The following AGBL1 variants were observed in gnomAD, a reference collection of about 807,000 sequenced individuals.
AGBL1 encodes the protein cytosolic carboxypeptidase 4.
A neutral mutation model predicts 118.9 loss-of-function variants in AGBL1; 130 were observed. The observed-to-expected ratio is 1.09, with a 90% CI of 0.95 to 1.26. The LOEUF (loss-of-function observed/expected upper bound fraction) is 1.26. Among genes scored for constraint, AGBL1 ranks in the 50% most tolerant of loss-of-function variants. The probability of loss-of-function intolerance (pLI) is 0.00; values close to 1 mark genes in which losing one functional copy is unlikely to be tolerated. For missense variants in AGBL1, 1,584 were observed against 1,298.1 expected (o/e 1.22, Z -3.38); for synonymous variants, 555 against 478.9 (o/e 1.16, Z -2.08).
intron 22 of AGBL1, among the ~76,000 whole-genome samples, chr15:86,737,378 T>C (rs770515669): frequency 1.8e-4 from 28 of 152,228 alleles, no homozygotes; most frequent in Non-Finnish European, 3.4e-4. Flanking sequence ...GGTGATTTAT[T>C]CCAGGTGTCT....
chr15:86,644,505 A>G (rs553442133), intron 21 of AGBL1, among the ~76,000 whole-genome samples: 183 of 152,318 alleles, frequency 1.2e-3, no homozygotes, highest in African/African-American at 4.3e-3. Flanking sequence ...GGTAATTGCT[A>G]TCCTTAATTC....
chr15:86,862,222 A>T (rs1176170828), intron 22 of AGBL1, among the ~76,000 whole-genome samples: 3 of 152,224 alleles, frequency 2.0e-5, no homozygotes, highest in African/African-American at 7.2e-5. Flanking sequence ...GGGAAAGTGT[A>T]TTGCACAGAG....
At chr15:86,980,885 C>CTTTTTTTTTTTTTTTTT (rs36077192) in intron 23 of AGBL1, among the ~76,000 whole-genome samples, 1 of 118,986 alleles carries the variant, frequency 8.4e-6, no homozygotes, top group African/African-American at 3.3e-5. Flanking sequence ...CAGAAACATC[C>CTTTTTTTTTTTTTTTTT]TTTTTTTTTT....
At chr15:86,250,580 C>G (rs2078798845) in intron 7 of AGBL1, among the ~76,000 whole-genome samples, 2 of 117,026 alleles carry the variant, frequency 1.7e-5, no homozygotes, top group African/African-American at 6.6e-5. Flanking sequence ...AAAAGGTGTG[C>G]TCTTCCAGAG....
intron 18 of AGBL1, among the ~76,000 whole-genome samples, chr15:86,399,559 C>T (rs1011912179): frequency 1.3e-5 from 2 of 152,162 alleles, no homozygotes; most frequent in African/African-American, 4.8e-5. Context: ...AGGAAGACAA[C>T]ATGCTCCCTG....
intron 1 of AGBL1, among the ~76,000 whole-genome samples, chr15:86,114,731 C>T (rs1323566595): frequency 6.6e-6 from 1 of 152,136 alleles, no homozygotes; most frequent in African/African-American, 2.4e-5. Flanking sequence ...CAACTGTATG[C>T]TAGCTGAGCT....
chr15:86,235,538 A>G (rs2078526367), intron 6 of AGBL1, among the ~76,000 whole-genome samples: 1 of 152,216 alleles, frequency 6.6e-6, no homozygotes, highest in South Asian at 2.1e-4. Context: ...AAAAATATAA[A>G]CATTTCATGA....
chr15:86,197,869 A>G (rs1484485068), intron 5 of AGBL1, among the ~76,000 whole-genome samples: 2 of 151,914 alleles, frequency 1.3e-5, no homozygotes, highest in Admixed American at 6.6e-5. Context: ...CAACAGAGCT[A>G]TTTCACTGAA....
chr15:87,009,761 GTCAAAGGAGATCA>G (rs1567285281), intron 24 of AGBL1, among the ~76,000 whole-genome samples: 1 of 152,184 alleles, frequency 6.6e-6, no homozygotes, highest in Non-Finnish European at 1.5e-5. Context: ...AAGACATGGC[GTCAAAGGAGATCA>G]TTTTGGAGCT....
At chr15:86,788,658 C>T (rs2078448891) in intron 22 of AGBL1, among the ~76,000 whole-genome samples, 1 of 152,110 alleles carries the variant, frequency 6.6e-6, no homozygotes, top group Admixed American at 6.6e-5. Flanking sequence ...AATTAGTGAT[C>T]ATTAAATATG....
chr15:86,259,882 G>C (rs978460877), intron 9 of AGBL1, among the ~76,000 whole-genome samples: 1 of 152,242 alleles, frequency 6.6e-6, no homozygotes, highest in African/African-American at 2.4e-5. Flanking sequence ...GTGCACGATA[G>C]TGCCTGACTT....
At chr15:86,556,142 T>A in intron 21 of AGBL1, 1 of 1,202,248 alleles carries the variant, frequency 8.3e-7, no homozygotes, top group Non-Finnish European at 1.2e-6. Context: ...ATAAATCAGC[T>A]GGAAACTCAA....
intron 17 of AGBL1, among the ~76,000 whole-genome samples, chr15:86,338,830 T>A (rs2080415714): frequency 6.6e-6 from 1 of 152,110 alleles, no homozygotes; most frequent in East Asian, 1.9e-4. Context: ...TGAGAGTGGA[T>A]CTCCTTGCTC....
At chr15:86,492,161 C>A (rs1057488715) in intron 18 of AGBL1, among the ~76,000 whole-genome samples, 1 of 152,032 alleles carries the variant, frequency 6.6e-6, no homozygotes, top group Admixed American at 6.6e-5. Flanking sequence ...TGGAGTGATG[C>A]AAGCATATAG....
intron 22 of AGBL1, among the ~76,000 whole-genome samples, chr15:86,879,752 CTTTA>C (rs1195787468): frequency 1.3e-5 from 2 of 152,288 alleles, no homozygotes; most frequent in East Asian, 1.9e-4. Flanking sequence ...CGAAACGGCT[CTTTA>C]TTTAGCTCCG....
rs370897334 is a variant in AGBL1, at chr15:86,250,963, G to C, written c.735+3084G>C. Among the ~76,000 whole-genome samples the C allele has an allele frequency of 7.9e-5, 12 of 152,340 alleles. No individual in the cohort carries two copies. The South Asian group carries it at 2.5e-3, about 32-fold the overall frequency. ...GCTGCTATTGCTACTGCCAGTGATA[G>C]TGATGACAATGTTAATGAAGCAGCA... is the stretch of plus-strand genomic sequence containing the variant. On this transcript the variant is annotated intron_variant, in intron 7 of 22. Transcript: ENST00000614907.
chr15:86,297,294 C>T (rs992099796), intron 17 of AGBL1, among the ~76,000 whole-genome samples: 6 of 152,080 alleles, frequency 3.9e-5, no homozygotes, highest in African/African-American at 1.4e-4. Context: ...TTGTCACTTG[C>T]AAATGACAAT....
chr15:86,740,765 G>A (rs1408500726), intron 22 of AGBL1, among the ~76,000 whole-genome samples: 1 of 152,114 alleles, frequency 6.6e-6, no homozygotes, highest in East Asian at 1.9e-4. Context: ...CAAAGATAAG[G>A]AAATGATGTA....
intron 17 of AGBL1, among the ~76,000 whole-genome samples, chr15:86,340,295 C>CTG (rs2080441901): frequency 3.1e-5 from 1 of 31,986 alleles, no homozygotes; most frequent in South Asian, 8.7e-4. Context: ...GCCTCCACTG[C>CTG]CCCCCCCCCA....
Sources: gnomAD v4.1 joint callset for allele counts (sites outside exome capture counted in the v4.1 genomes callset) on GRCh38, gnomAD v4.1.1 for gene constraint, MANE v1.5 for transcripts, NCBI Gene and HGNC (gene_info 2026-07-23, HGNC 2026-07-21) for gene names.